Variants in ARHGAP15 observed in about 807,000 individuals in gnomAD.
ARHGAP15 encodes the protein Rho GTPase activating protein 15.
A neutral mutation model predicts 63.7 loss-of-function variants in ARHGAP15; 51 were observed. The ratio of observed to expected loss-of-function variants is 0.80; its 90% CI spans 0.64 to 1.01. The LOEUF (loss-of-function observed/expected upper bound fraction) is 1.01. ARHGAP15 is among the 50% of genes least tolerant of loss of function. The pLI is 0.00. For synonymous variants in ARHGAP15, 191 were observed against 193.8 expected (o/e 0.99, Z 0.12); for missense variants, 560 against 564.6 (o/e 0.99, Z 0.08).
At chr2:143,256,625 A>G (rs1181842326) in intron 6 of ARHGAP15, among the ~76,000 whole-genome samples, 3 of 152,112 alleles carry the variant, frequency 2.0e-5, no homozygotes, top group African/African-American at 7.2e-5. Flanking sequence ...AGTGACACTT[A>G]TTACTCCCCT....
At chr2:143,305,487 G>A (rs186893813) in intron 6 of ARHGAP15, 1 of 152,008 alleles carries the variant, frequency 6.6e-6, no homozygotes, top group Non-Finnish European at 1.5e-5. Flanking sequence ...AGTATGACCG[G>A]TCTTAAAGCA....
At chr2:143,659,037 A>G (rs1681605213) in intron 12 of ARHGAP15, among the ~76,000 whole-genome samples, 1 of 152,180 alleles carries the variant, frequency 6.6e-6, no homozygotes, top group Non-Finnish European at 1.5e-5. Context: ...CTACCTATCA[A>G]GCACATGCAC....
At chr2:143,648,143 A>G (rs1356186778) in intron 12 of ARHGAP15, among the ~76,000 whole-genome samples, 2 of 152,054 alleles carry the variant, frequency 1.3e-5, no homozygotes, top group Non-Finnish European at 2.9e-5. Context: ...CAAAAGTACA[A>G]AAACAAAATG....
At chr2:143,687,384 G>A (rs950032624) in intron 12 of ARHGAP15, among the ~76,000 whole-genome samples, 1 of 152,124 alleles carries the variant, frequency 6.6e-6, no homozygotes, top group Non-Finnish European at 1.5e-5. Context: ...CCCTAAGAAA[G>A]GATTTGATTG....
chr2:143,170,118 T>C (rs1690713638), intron 2 of ARHGAP15, among the ~76,000 whole-genome samples: 1 of 149,802 alleles, frequency 6.7e-6, no homozygotes, highest in African/African-American at 2.4e-5. Context: ...AACACCCACC[T>C]ACATTCTGAA....
chr2:143,497,610 GA>G lies in ARHGAP15; in HGVS notation c.826+10117del, dbSNP rs200032667. 1.0e-2 allele frequency among the ~76,000 whole-genome samples: 1,519 copies of G among 152,198 alleles called. 7 individuals carry two copies. Among genetic ancestry groups the G allele is most frequent in the South Asian group, 0.015 (71 of 4,802 alleles). ...CTTTTCAGGGCCTCCATAGACCTACGAACAGTATCCAAAGCCAGTGCTGGAT... is the reference window on the plus strand; with the variant it reads ...CTTTTCAGGGCCTCCATAGACCTACGACAGTATCCAAAGCCAGTGCTGGAT... On this transcript the variant is annotated intron_variant, in intron 9 of 13. Coordinates refer to ENST00000295095, the MANE Select transcript of ARHGAP15 (RefSeq NM_018460.4).
intron 13 of ARHGAP15, among the ~76,000 whole-genome samples, chr2:143,728,495 T>C (rs920910719): frequency 6.6e-6 from 1 of 152,172 alleles, no homozygotes; most frequent in Non-Finnish European, 1.5e-5. Context: ...GCTGTTGACA[T>C]GCCCCGTACC....
At chr2:143,214,704 A>T (rs557988344) in intron 3 of ARHGAP15, among the ~76,000 whole-genome samples, 9 of 152,340 alleles carry the variant, frequency 5.9e-5, no homozygotes, top group Middle Eastern at 3.4e-3. Context: ...ATAAGTCATC[A>T]TTATTATTAT....
intron 6 of ARHGAP15, among the ~76,000 whole-genome samples, chr2:143,382,614 G>T (rs1242859789): frequency 1.3e-5 from 2 of 152,138 alleles, no homozygotes; most frequent in Non-Finnish European, 1.5e-5. Flanking sequence ...GGTACTGGGG[G>T]TTAGGACTTT....
At chr2:143,350,487 TA>T (rs952261437) in intron 6 of ARHGAP15, among the ~76,000 whole-genome samples, 19 of 152,046 alleles carry the variant, frequency 1.2e-4, no homozygotes, top group Admixed American at 3.3e-4. Context: ...ATCCATTAGT[TA>T]TTTTATTTTA....
intron 8 of ARHGAP15, among the ~76,000 whole-genome samples, chr2:143,448,884 A>ACTT (rs1690268326): frequency 6.6e-6 from 1 of 152,014 alleles, no homozygotes; most frequent in South Asian, 2.1e-4. Context: ...GACATAAATA[A>ACTT]CTTCTTTAAA....
chr2:143,143,822 T>C lies in ARHGAP15; in HGVS notation c.-14-11655T>C, dbSNP rs1334997335. ...GTGAAGATTTGTTACCTAGATAAAC[T>C]TGTGTCATGGGGGTTTGTTGTACAG... On this transcript the variant is annotated intron_variant, in intron 1 of 13. Transcript: ENST00000295095. Among the ~76,000 whole-genome samples the C allele has an allele frequency of 5.3e-5, 8 of 152,100 alleles. No individual in the cohort carries two copies. The East Asian group carries it at 1.2e-3, about 22-fold the overall frequency.
At chr2:143,600,010 T>C (rs1485819340) in intron 11 of ARHGAP15, among the ~76,000 whole-genome samples, 1 of 152,166 alleles carries the variant, frequency 6.6e-6, no homozygotes, top group Admixed American at 6.6e-5. Context: ...AGATAGTTAA[T>C]AGCTGCGGGC....
At chr2:143,176,091 C>G (rs1247854033) in intron 2 of ARHGAP15, among the ~76,000 whole-genome samples, 1 of 152,056 alleles carries the variant, frequency 6.6e-6, no homozygotes, top group Non-Finnish European at 1.5e-5. Flanking sequence ...ACTATATCTT[C>G]AAAGATTCCT....
chr2:143,708,799 A>ATAAC (rs1479558902), intron 13 of ARHGAP15, among the ~76,000 whole-genome samples: 2 of 152,156 alleles, frequency 1.3e-5, no homozygotes, highest in South Asian at 4.1e-4. Flanking sequence ...GCTTTGTTGT[A>ATAAC]TAACTTCTCA....
intron 12 of ARHGAP15, among the ~76,000 whole-genome samples, chr2:143,666,400 C>T (rs897394794): frequency 6.6e-6 from 1 of 152,106 alleles, no homozygotes; most frequent in Non-Finnish European, 1.5e-5. Context: ...CTTCCTTACA[C>T]CTTATACAAA....
At chr2:143,714,444 C>T (rs1684720860) in intron 13 of ARHGAP15, among the ~76,000 whole-genome samples, 1 of 152,178 alleles carries the variant, frequency 6.6e-6, no homozygotes, top group African/African-American at 2.4e-5. Context: ...CTGACATGGC[C>T]TGGAGACATT....
intron 6 of ARHGAP15, among the ~76,000 whole-genome samples, chr2:143,401,637 G>A (rs1687991946): frequency 6.6e-6 from 1 of 151,940 alleles, no homozygotes; most frequent in South Asian, 2.1e-4. Flanking sequence ...AGTGTTCAAT[G>A]TTAGCAGTGA....
chr2:143,296,820 C>A (rs1287708463), intron 6 of ARHGAP15, among the ~76,000 whole-genome samples: 4 of 151,842 alleles, frequency 2.6e-5, no homozygotes, highest in African/African-American at 9.7e-5. Context: ...GATCTTCTCC[C>A]CTCTCCCCTC....
Sources: gnomAD v4.1 joint callset for allele counts (sites outside exome capture counted in the v4.1 genomes callset) on GRCh38, gnomAD v4.1.1 for gene constraint, MANE v1.5 for transcripts, NCBI Gene and HGNC (gene_info 2026-07-23, HGNC 2026-07-21) for gene names.